Variants in GGT1 observed in about 807,000 individuals in gnomAD.
GGT1 encodes the protein glutathione hydrolase 1 proenzyme.
A neutral mutation model predicts 56.0 loss-of-function variants in GGT1; 21 were observed. The ratio of observed to expected loss-of-function variants is 0.38; its 90% confidence interval spans 0.27 to 0.54. GGT1 has a LOEUF of 0.54. Ranked by LOEUF, GGT1 falls within the 20% of genes least tolerant of loss-of-function variation. GGT1 has a pLI of 0.82. For missense variants in GGT1, 466 were observed against 787.0 expected (o/e 0.59, Z 4.88); for synonymous variants, 238 against 342.6 (o/e 0.69, Z 3.37).
chr22:24,585,700 G>T, the GGT1 span: 2 of 675,776 alleles, frequency 3.0e-6, no homozygotes, highest in African/African-American at 1.8e-5. Flanking sequence ...CTGAGGGAAG[G>T]CTGAGCCTCT....
chr22:24,590,655 GCCTT>G (rs2045543357), upstream of GGT1, among the ~76,000 whole-genome samples: 1 of 152,082 alleles, frequency 6.6e-6, no homozygotes, highest in Admixed American at 6.6e-5. Flanking sequence ...CAGATCCTCT[GCCTT>G]CCCACCTATC....
At chr22:24,625,448 A>G (rs914606051) in intron 11 of GGT1, among the ~76,000 whole-genome samples, 1 of 151,420 alleles carries the variant, frequency 6.6e-6, no homozygotes, top group Non-Finnish European at 1.5e-5. Flanking sequence ...TAATTTTTGT[A>G]TTTTTTTTAG....
At chr22:24,591,306 C>T (rs1486056876), upstream of GGT1, among the ~76,000 whole-genome samples, 4 of 152,170 alleles carry the variant, frequency 2.6e-5, no homozygotes, top group Non-Finnish European at 5.9e-5. Context: ...CTCGAATTCC[C>T]GACTTCAGGT....
upstream of GGT1, among the ~76,000 whole-genome samples, chr22:24,593,613 A>T (rs1443014560): frequency 6.6e-6 from 1 of 151,968 alleles, no homozygotes; most frequent in Non-Finnish European, 1.5e-5. Context: ...TGGTGAAACC[A>T]CATTTTTATT....
At chr22:24,592,806 C>A, upstream of GGT1, 1 of 1,251,144 alleles carries the variant, frequency 8.0e-7, no homozygotes. Context: ...CCCAGACCCC[C>A]AGACCCCCAG....
chr22:24,593,155 C>A, upstream of GGT1: 1 of 982,484 alleles, frequency 1.0e-6, no homozygotes, highest in Non-Finnish European at 1.2e-6. Flanking sequence ...CGTCCGGGTC[C>A]GAAGGCTGAG....
upstream of GGT1, among the ~76,000 whole-genome samples, chr22:24,601,218 T>C (rs1332807675): frequency 6.6e-6 from 1 of 152,182 alleles, no homozygotes; most frequent in Non-Finnish European, 1.5e-5. Flanking sequence ...CCGATCCGCA[T>C]TGTTCGATCA....
upstream of GGT1, chr22:24,603,053 T>C (rs1410836570): frequency 6.6e-6 from 1 of 152,272 alleles, no homozygotes; most frequent in Non-Finnish European, 1.5e-5. Context: ...GATCACAGCC[T>C]CAGGGATGGG....
At chr22:24,588,329 C>T in the GGT1 span, 1 of 1,609,604 alleles carries the variant, frequency 6.2e-7, no homozygotes, top group South Asian at 1.1e-5. Flanking sequence ...AGCTCATAGT[C>T]CTGTGGGAGG....
chr22:24,628,715 C>G lies in GGT1; in HGVS notation c.1586C>G (p.Thr529Ser). 6.2e-7 allele frequency: 1 copy of G among 1,610,202 alleles called. No homozygotes were observed. The change falls in exon 16 of 16, where the codon ACC becomes AGC. Residue 529 changes from threonine (T) to serine (S), a missense_variant. By Grantham distance (58) the Thr-to-Ser change is moderately conservative (BLOSUM62 1). Coordinates refer to ENST00000400382, the MANE Select transcript of GGT1 (RefSeq NM_001288833.2). The surrounding 1 kb of genome is among the most constrained non-coding windows in gnomAD (Gnocchi z 5.7). ...IDQAVTAALE[T>S]RHHHTQIAST... is the part of the protein sequence containing the mutation. ...CAGGCAGTGACTGCAGCCCTGGAGA[C>G]CCGGCACCATCACACCCAGATCGCG...
At chr22:24,585,768 G>A in the GGT1 span, 2 of 1,092,040 alleles carry the variant, frequency 1.8e-6, no homozygotes, top group African/African-American at 3.2e-5. Flanking sequence ...CTTAATCTCA[G>A]GCTGAGCATT....
intron 11 of GGT1, among the ~76,000 whole-genome samples, chr22:24,624,876 A>G (rs2047653535): frequency 6.6e-6 from 1 of 151,094 alleles, no homozygotes; most frequent in South Asian, 2.1e-4. Flanking sequence ...CCCCTGCTCT[A>G]TCCCCATGCC....
rs573363091 is a variant in GGT1, at chr22:24,605,419, T to C, written c.-429+1892T>C. Among the ~76,000 whole-genome samples the C allele has an allele frequency of 4.9e-5, 4 of 82,072 alleles. 1 individual carries two copies. The highest frequency in any genetic ancestry group is 1.8e-4 in the African/African-American group (3 of 16,366). 53.8% of individuals were successfully genotyped at this position (82,072 alleles called of 152,430 possible). A position where few individuals can be genotyped will look rare whatever the true frequency, so the allele number is the denominator to read the frequency against. On this transcript the variant is annotated intron_variant, in intron 1 of 15. Coordinates refer to ENST00000400382, the MANE Select transcript of GGT1 (RefSeq NM_001288833.2). ...ATATATTATATAATATTATATAATA[T>C]GTATTATATATTATATAACAATATA...
At chr22:24,584,076 T>C in the GGT1 span, among the ~76,000 whole-genome samples, 1 of 152,234 alleles carries the variant, frequency 6.6e-6, no homozygotes, top group Non-Finnish European at 1.5e-5. Flanking sequence ...TCCTCTCTGC[T>C]GGCCCCTCCC....
chr22:24,594,352 A>C (rs1236029543), upstream of GGT1, among the ~76,000 whole-genome samples: 1 of 150,552 alleles, frequency 6.6e-6, no homozygotes, highest in Non-Finnish European at 1.5e-5. Flanking sequence ...GCACTGTCCG[A>C]GGGCATATAT....
At chr22:24,611,779 G>C (rs1459396798) in intron 5 of GGT1, among the ~76,000 whole-genome samples, 1 of 119,390 alleles carries the variant, frequency 8.4e-6, no homozygotes, top group African/African-American at 6.1e-5. Flanking sequence ...AAATTTGTGT[G>C]TGTGTGTGTG....
At chr22:24,605,059 T>A (rs9620400) in intron 1 of GGT1, among the ~76,000 whole-genome samples, 9 of 56,350 alleles carry the variant, frequency 1.6e-4, no homozygotes, top group African/African-American at 2.3e-4. Flanking sequence ...TATTATATAT[T>A]ATATGTAATA....
chr22:24,613,728 CA>C (rs1172062001), intron 5 of GGT1, among the ~76,000 whole-genome samples: 1 of 141,132 alleles, frequency 7.1e-6, no homozygotes, highest in Non-Finnish European at 1.5e-5. Flanking sequence ...CCAGCCTGGG[CA>C]ACTGAGTGAA....
intron 1 of GGT1, among the ~76,000 whole-genome samples, chr22:24,596,317 C>G (rs974660744): frequency 6.6e-6 from 1 of 152,236 alleles, no homozygotes; most frequent in African/African-American, 2.4e-5. Flanking sequence ...GCCACACTCC[C>G]TTTGAGGACT....
Sources: gnomAD v4.1 joint callset for allele counts (sites outside exome capture counted in the v4.1 genomes callset) on GRCh38, gnomAD v4.1.1 for gene constraint, Gnocchi (gnomAD v3.1) non-coding constraint, MANE v1.5 for transcripts, NCBI Gene and HGNC (gene_info 2026-07-23, HGNC 2026-07-21) for gene names.